The following HEPHL1 variants were observed in gnomAD, a reference collection of about 807,000 sequenced individuals.
HEPHL1 encodes ferroxidase HEPHL1.
A neutral mutation model predicts 122.0 loss-of-function variants in HEPHL1; 123 were observed. That is an observed-to-expected ratio of 1.01 (90% CI 0.87 to 1.17). The LOEUF (loss-of-function observed/expected upper bound fraction) is 1.17. Among genes scored for constraint, HEPHL1 ranks in the 50% most tolerant of loss-of-function variants. HEPHL1 has a pLI of 0.00. For synonymous variants in HEPHL1, 527 were observed against 508.9 expected (o/e 1.04, Z -0.48); for missense variants, 1,452 against 1,430.5 (o/e 1.01, Z -0.24).
At chr11:94,084,387 C>T (rs769303795) in intron 10 of HEPHL1, among the ~76,000 whole-genome samples, 2 of 149,928 alleles carry the variant, frequency 1.3e-5, no homozygotes, top group Non-Finnish European at 3.0e-5. Flanking sequence ...TATATAAATA[C>T]AGGATATATC....
intron 12 of HEPHL1, among the ~76,000 whole-genome samples, chr11:94,093,125 TGTGTGATGA>T (rs1946274711): frequency 3.3e-5 from 5 of 150,230 alleles, no homozygotes; most frequent in South Asian, 2.1e-4. Context: ...TGTGTGTGTG[TGTGTGATGA>T]CACACACATG....
intron 17 of HEPHL1, among the ~76,000 whole-genome samples, chr11:94,107,043 T>C (rs943344760): frequency 6.6e-6 from 1 of 152,196 alleles, no homozygotes; most frequent in Non-Finnish European, 1.5e-5. Flanking sequence ...CCAGACCTGC[T>C]GAATCAGAAT....
chr11:94,086,783 A>T (rs939560269), intron 11 of HEPHL1, among the ~76,000 whole-genome samples: 1 of 152,232 alleles, frequency 6.6e-6, no homozygotes, highest in African/African-American at 2.4e-5. Context: ...AGAGATTCCA[A>T]GCTAATGAGA....
intron 13 of HEPHL1, among the ~76,000 whole-genome samples, chr11:94,094,013 T>TATATATATATATATATAA (rs1485344204): frequency 8.2e-6 from 1 of 121,690 alleles, no homozygotes; most frequent in Non-Finnish European, 1.6e-5. Context: ...TATATATATA[T>TATATATATATATATATAA]AAAACTTTAA....
chr11:94,048,131 A>T (rs768846997), intron 2 of HEPHL1, among the ~76,000 whole-genome samples: 2 of 152,108 alleles, frequency 1.3e-5, no homozygotes, highest in African/African-American at 4.8e-5. Flanking sequence ...AATATTTTCA[A>T]TGCTTATGTA....
intron 8 of HEPHL1, among the ~76,000 whole-genome samples, chr11:94,074,145 G>A (rs1946101420): frequency 6.6e-6 from 1 of 152,084 alleles, no homozygotes; most frequent in Non-Finnish European, 1.5e-5. Flanking sequence ...GCCCAGTTGA[G>A]AACAGGTTTT....
In HEPHL1 at chr11:94,111,609, A is replaced by G. The variant is rs748779837; in HGVS notation, c.3277+4A>G. On this transcript the variant is annotated splice_donor_region_variant and intron_variant, in intron 19 of 19. Transcript: ENST00000315765. ...CCAGCCACGGTGCCATCTAACGGTA[A>G]TGATACCCTCTCCCCATGTAAATGA... is the stretch of plus-strand genomic sequence containing the variant. 1.2e-5 allele frequency: 20 copies of G among 1,607,038 alleles called. No individual in the cohort carries two copies. Among genetic ancestry groups the G allele is most frequent in the South Asian group, 2.2e-5 (2 of 89,808 alleles).
chr11:94,046,041 T>C lies in HEPHL1; in HGVS notation c.415+124T>C. On this transcript the variant is annotated intron_variant, in intron 2 of 19. Coordinates refer to ENST00000315765, the MANE Select transcript of HEPHL1 (RefSeq NM_001098672.2). ...ATATATTTATCTTCTCTCTGTCTGC[T>C]TCTCCATCCATCTCCATCTATCTAT... The C allele has an allele frequency of 4.6e-6, 3 of 654,012 alleles. No individual in the cohort carries two copies. The South Asian group carries it at 5.8e-5, about 13-fold the overall frequency. 40.5% of individuals were successfully genotyped at this position (654,012 alleles called of 1,614,324 possible).
rs1173459290 is a variant in HEPHL1 at position 94,075,234 on chromosome 11, T to C, written c.1565T>C (p.Val522Ala). The C allele has an allele frequency of 2.5e-6, 4 of 1,613,472 alleles. No individual in the cohort carries two copies. In the South Asian group the frequency reaches 4.4e-5, roughly 18 times the overall value. The change falls in exon 9 of 20, where the codon GTG (valine) becomes GCG (alanine). Residue 522 changes from valine (V) to alanine (A), a missense_variant. By Grantham distance (64) the Val-to-Ala change is moderately conservative. Coordinates refer to ENST00000315765, the MANE Select transcript of HEPHL1 (RefSeq NM_001098672.2). ...PGETFTYKWT[V>A]PESVSPTAGD... Reference sequence around the variant, plus strand: ...GAAACCTTCACATACAAGTGGACAGTGCCTGAGAGCGTAAGCCCAACTGCT... The same window carrying C: ...GAAACCTTCACATACAAGTGGACAGCGCCTGAGAGCGTAAGCCCAACTGCT...
chr11:94,111,534 C>T lies in HEPHL1; in HGVS notation c.3209-3C>T, dbSNP rs1946448821. On this transcript the variant is annotated splice_region_variant and splice_polypyrimidine_tract_variant and intron_variant, in intron 18 of 19. Transcript: ENST00000315765. ...AAACAATGAACTTGTTTTCTTTGTGCAGACAACAGGATTCCTTACTCCACC... is the reference window on the plus strand; with the variant it reads ...AAACAATGAACTTGTTTTCTTTGTGTAGACAACAGGATTCCTTACTCCACC... 1 of 1,594,054 alleles carries T rather than the reference C, an allele frequency of 6.3e-7. No homozygotes were observed. Among genetic ancestry groups the T allele is most frequent in the East Asian group, 2.3e-5 (1 of 44,248 alleles).
intron 13 of HEPHL1, among the ~76,000 whole-genome samples, chr11:94,100,155 AC>A (rs1394272605): frequency 1.3e-5 from 2 of 151,970 alleles, no homozygotes; most frequent in East Asian, 3.9e-4. Flanking sequence ...TCTTGGAACT[AC>A]CCCCTAAGAA....
At chr11:94,028,170 T>C (rs1945642828) in intron 1 of HEPHL1, among the ~76,000 whole-genome samples, 1 of 152,186 alleles carries the variant, frequency 6.6e-6, no homozygotes, top group Non-Finnish European at 1.5e-5. Context: ...GCAGTTAACA[T>C]TGTAAAACTG....
rs756048785 is a variant in HEPHL1, at chr11:94,088,825, C to T, written c.2151C>T (p.Ser717=). Reference sequence around the variant, plus strand: ...GCATGGGTCAGATCTATGAGGTCAGCAGCTGTGACAACAGGGACCCTTCTG... The same window carrying T: ...GCATGGGTCAGATCTATGAGGTCAGTAGCTGTGACAACAGGGACCCTTCTG... ...SRGMGQIYEV[S]SCDNRDPSEQ... The change falls in exon 12 of 20, where the codon AGC becomes AGT. Residue 717 remains serine (S), a synonymous_variant. Transcript: ENST00000315765. 3 of 1,614,012 alleles carry T rather than the reference C, an allele frequency of 1.9e-6. No homozygotes were observed. The highest frequency in any genetic ancestry group is 2.5e-6 in the Non-Finnish European group (3 of 1,179,882).
intron 1 of HEPHL1, among the ~76,000 whole-genome samples, chr11:94,030,925 G>C (rs938457436): frequency 1.3e-5 from 2 of 151,974 alleles, no homozygotes; most frequent in Non-Finnish European, 2.9e-5. Context: ...TGAGAGGAGA[G>C]TTGGCAAGCC....
chr11:94,042,327 GT>G (rs1945789015), intron 1 of HEPHL1, among the ~76,000 whole-genome samples: 1 of 140,154 alleles, frequency 7.1e-6, no homozygotes, highest in Admixed American at 7.3e-5. Context: ...CGATTCCTCA[GT>G]GATCTAGAAC....
chr11:94,096,939 G>T (rs1046013842), intron 13 of HEPHL1, among the ~76,000 whole-genome samples: 6 of 151,990 alleles, frequency 3.9e-5, no homozygotes, highest in African/African-American at 1.4e-4. Context: ...CTGGCAGTCT[G>T]TCAATTTTGT....
At chr11:94,094,914 G>T (rs1056871896) in intron 13 of HEPHL1, among the ~76,000 whole-genome samples, 4 of 152,172 alleles carry the variant, frequency 2.6e-5, no homozygotes, top group Non-Finnish European at 5.9e-5. Flanking sequence ...CAGATGATTA[G>T]ATTGCAAAAA....
intron 1 of HEPHL1, among the ~76,000 whole-genome samples, chr11:94,023,424 GA>G (rs1251976225): frequency 7.9e-5 from 12 of 152,174 alleles, no homozygotes; most frequent in Non-Finnish European, 2.9e-5. Context: ...AAACCTCAAA[GA>G]ATCATAAATA....
In HEPHL1 at chr11:94,060,317, T is replaced by C. The variant is rs116249419; in HGVS notation, c.416-3191T>C. On this transcript the variant is annotated intron_variant, in intron 2 of 19. Transcript: ENST00000315765. ...ATATGTGTGTGTATATGTATACACA[T>C]ATACATACTATATATGTGTGTAAAT... Among the ~76,000 whole-genome samples the C allele has an allele frequency of 9.3e-3, 1,415 of 151,698 alleles. 25 individuals carry two copies. The highest frequency in any genetic ancestry group is 0.033 in the African/African-American group (1,349 of 41,302).
Sources: allele counts gnomAD v4.1 joint callset (sites outside exome capture counted in the v4.1 genomes callset), GRCh38; gene constraint gnomAD v4.1.1; transcripts MANE v1.5; gene names NCBI Gene and HGNC (gene_info 2026-07-23, HGNC 2026-07-21).